The following TRPM7 variants were observed in gnomAD, a reference collection of about 807,000 sequenced individuals.
The protein encoded by TRPM7 is transient receptor potential cation channel subfamily M member 7.
A neutral mutation model predicts 229.7 loss-of-function variants in TRPM7; 134 were observed. That is an observed-to-expected ratio of 0.58 (90% CI 0.51 to 0.67). The LOEUF is 0.67. Among genes scored for constraint, TRPM7 ranks in the 30% least tolerant of loss-of-function variants. The pLI, the probability that TRPM7 is intolerant of heterozygous loss-of-function variation, is 0.00. For synonymous variants in TRPM7, 699 were observed against 715.2 expected (o/e 0.98, Z 0.36); for missense variants, 1,901 against 2,210.0 (o/e 0.86, Z 2.80).
intron 1 of TRPM7, among the ~76,000 whole-genome samples, chr15:50,677,416 AACAC>A (rs200750919): frequency 6.6e-6 from 1 of 151,198 alleles, no homozygotes; most frequent in Admixed American, 6.6e-5. Context: ...CAACAACAAC[AACAC>A]ACACACACAC....
chr15:50,582,051 C>G (rs2054441552), intron 29 of TRPM7, among the ~76,000 whole-genome samples: 1 of 152,194 alleles, frequency 6.6e-6, no homozygotes. Flanking sequence ...CAACCTCCAC[C>G]TCCCTGGTTC....
At chr15:50,656,082 A>G (rs570959207) in intron 3 of TRPM7, among the ~76,000 whole-genome samples, 4 of 152,274 alleles carry the variant, frequency 2.6e-5, no homozygotes, top group African/African-American at 9.6e-5. Context: ...CATTCTTCAA[A>G]CATGAAAATA....
intron 20 of TRPM7, among the ~76,000 whole-genome samples, chr15:50,606,303 C>T (rs1433911540): frequency 2.6e-5 from 4 of 151,932 alleles, no homozygotes; most frequent in South Asian, 2.1e-4. Flanking sequence ...CGCTTGAACC[C>T]GGGAGGCAGT....
At chr15:50,588,394 T>G (rs1300128525) in intron 27 of TRPM7, 1 of 137,062 alleles carries the variant, frequency 7.3e-6, no homozygotes, top group Non-Finnish European at 1.6e-5. Context: ...TAATAGATAT[T>G]AAATTAAGTT....
At chr15:50,571,268 G>T (rs750268455) in intron 36 of TRPM7, among the ~76,000 whole-genome samples, 3 of 152,226 alleles carry the variant, frequency 2.0e-5, no homozygotes, top group Non-Finnish European at 4.4e-5. Flanking sequence ...AACTTCCGTA[G>T]AAGGCTGAGT....
At chr15:50,567,306 T>C (rs939100514) in intron 38 of TRPM7, among the ~76,000 whole-genome samples, 3 of 152,096 alleles carry the variant, frequency 2.0e-5, no homozygotes, top group Non-Finnish European at 4.4e-5. Flanking sequence ...TAGGTATATC[T>C]CCCAATGCTA....
At chr15:50,668,995 G>A (rs926407648) in intron 1 of TRPM7, among the ~76,000 whole-genome samples, 3 of 152,268 alleles carry the variant, frequency 2.0e-5, no homozygotes, top group Admixed American at 2.0e-4. Flanking sequence ...TGTCTACGCA[G>A]TCCCTGTACA....
intron 6 of TRPM7, among the ~76,000 whole-genome samples, chr15:50,638,176 G>A (rs965804178): frequency 6.6e-5 from 10 of 151,262 alleles, no homozygotes; most frequent in African/African-American, 2.4e-4. Flanking sequence ...TGGCTAACAC[G>A]GTGAAACCCC....
At chr15:50,682,879 T>C (rs1053393292) in intron 1 of TRPM7, among the ~76,000 whole-genome samples, 1 of 151,608 alleles carries the variant, frequency 6.6e-6, no homozygotes, top group African/African-American at 2.4e-5. Context: ...AACCACTGAA[T>C]TTTGCTTCCC....
intron 38 of TRPM7, among the ~76,000 whole-genome samples, chr15:50,563,690 G>A (rs1566927317): frequency 6.6e-6 from 1 of 152,150 alleles, no homozygotes; most frequent in Non-Finnish European, 1.5e-5. Context: ...ATTTTGGATT[G>A]GACACGTTAC....
intron 4 of TRPM7, among the ~76,000 whole-genome samples, chr15:50,646,472 C>T (rs1319374542): frequency 1.3e-5 from 2 of 152,058 alleles, no homozygotes; most frequent in Non-Finnish European, 2.9e-5. Context: ...TTAGTACAGA[C>T]AAGGTCTCAC....
At chr15:50,572,621 T>A (rs1443392519) in intron 36 of TRPM7, among the ~76,000 whole-genome samples, 1 of 152,226 alleles carries the variant, frequency 6.6e-6, no homozygotes, top group Non-Finnish European at 1.5e-5. Flanking sequence ...GCCTGCAGTA[T>A]CTCTAATGTA....
rs761601074 is a variant in TRPM7 at position 50,613,818 on chromosome 15, G to A, written c.1659C>T (p.Ser553=). The A allele has an allele frequency of 6.8e-6, 11 of 1,612,458 alleles. No homozygotes were observed. The highest frequency in any genetic ancestry group is 6.7e-5 in the Admixed American group (4 of 59,596). The change falls in exon 15 of 39, where the codon AGC becomes AGT. Residue 553 remains serine, a synonymous_variant. Coordinates refer to ENST00000646667, the MANE Select transcript of TRPM7 (RefSeq NM_017672.6). ...GACTCTTTCGCAACTGAGGAGTGCT[G>A]CTGGAGGTATTTCGGCCAGACCTCT... ...NNRRSGRNTS[S]STPQLRKSHE...
chr15:50,641,341 C>G (rs1037084621), intron 5 of TRPM7, among the ~76,000 whole-genome samples: 1 of 152,202 alleles, frequency 6.6e-6, no homozygotes, highest in African/African-American at 2.4e-5. Flanking sequence ...TTATTCCACT[C>G]AAGCTATATT....
intron 12 of TRPM7, among the ~76,000 whole-genome samples, chr15:50,622,430 C>T (rs17598819): frequency 0.15 from 22,218 of 152,186 alleles, 2,210 homozygotes; most frequent in Admixed American, 0.28. Context: ...ACTTGTCTTG[C>T]TAATGGGATC....
At chr15:50,626,367 A>C (rs2060559202) in intron 11 of TRPM7, among the ~76,000 whole-genome samples, 1 of 152,190 alleles carries the variant, frequency 6.6e-6, no homozygotes, top group Non-Finnish European at 1.5e-5. Context: ...GTTTATAACC[A>C]CTGCCCTAGA....
At chr15:50,599,427 T>A (rs985522493) in intron 21 of TRPM7, 131 bp from the exon 22 acceptor site, 5 of 559,352 alleles carry the variant, frequency 8.9e-6, no homozygotes, top group Non-Finnish European at 1.5e-5. Context: ...ATTCTTTTTG[T>A]TCCTAGTGAT....
At chr15:50,678,252 C>A (rs57268282) in intron 1 of TRPM7, among the ~76,000 whole-genome samples, 48,128 of 107,376 alleles carry the variant, frequency 0.45, 11,815 homozygotes, top group Non-Finnish European at 0.53. Flanking sequence ...AAAAAAAAAA[C>A]AAAAACAAAA....
At chr15:50,653,810 G>A (rs529666358) in intron 3 of TRPM7, among the ~76,000 whole-genome samples, 36 of 152,286 alleles carry the variant, frequency 2.4e-4, no homozygotes, top group African/African-American at 8.2e-4. Flanking sequence ...ATGGTCTAAG[G>A]TGTATCTGTG....
Sources: gnomAD v4.1 joint callset for allele counts (sites outside exome capture counted in the v4.1 genomes callset) on GRCh38, gnomAD v4.1.1 for gene constraint, MANE v1.5 for transcripts, NCBI Gene and HGNC (gene_info 2026-07-23, HGNC 2026-07-21) for gene names.